Variants in UBE2B observed in about 807,000 individuals in gnomAD.
The protein encoded by UBE2B is ubiquitin conjugating enzyme E2 B.
Under a neutral mutation model 24.6 loss-of-function variants are expected in UBE2B, and 11 were observed. The observed-to-expected ratio is 0.45, with a 90% CI of 0.28 to 0.74. The LOEUF is 0.74. UBE2B is among the 30% of genes least tolerant of loss of function. The pLI, the probability that UBE2B is intolerant of heterozygous loss-of-function variation, is 0.13. For synonymous variants in UBE2B, 68 were observed against 62.4 expected (o/e 1.09, Z -0.42); for missense variants, 78 against 185.6 (o/e 0.42, Z 3.37).
At chr5:134,372,465 ATACT>A (rs2149688968) in intron 1 of UBE2B, among the ~76,000 whole-genome samples, 1 of 152,272 alleles carries the variant, frequency 6.6e-6, no homozygotes, top group South Asian at 2.1e-4. Context: ...CTTTTATTGG[ATACT>A]TAGAGACATA....
intron 3 of UBE2B, among the ~76,000 whole-genome samples, chr5:134,380,059 GC>G (rs1758684160): frequency 6.6e-6 from 1 of 151,850 alleles, no homozygotes; most frequent in African/African-American, 2.4e-5. Flanking sequence ...GAGATTACAG[GC>G]ACCCCCATAC....
intron 4 of UBE2B, among the ~76,000 whole-genome samples, chr5:134,387,389 A>C (rs943401467): frequency 4.6e-5 from 7 of 152,244 alleles, no homozygotes; most frequent in African/African-American, 1.7e-4. Context: ...AAGCTTTAAG[A>C]ATATTTAGAA....
chr5:134,381,729 A>C (rs1328822358), intron 4 of UBE2B, among the ~76,000 whole-genome samples: 1 of 152,138 alleles, frequency 6.6e-6, no homozygotes, highest in African/African-American at 2.4e-5. Flanking sequence ...GGATCACCTG[A>C]GGTCAGGAGT....
intron 1 of UBE2B, among the ~76,000 whole-genome samples, chr5:134,373,435 CT>C (rs1284801131): frequency 2.0e-5 from 3 of 151,426 alleles, no homozygotes; most frequent in Non-Finnish European, 4.4e-5. Context: ...AGGTTTTAAA[CT>C]TTTTTTGGTA....
At chr5:134,372,008 G>A (rs1387411504) in intron 1 of UBE2B, among the ~76,000 whole-genome samples, 1 of 152,200 alleles carries the variant, frequency 6.6e-6, no homozygotes, top group African/African-American at 2.4e-5. Context: ...GAGCTCCTGC[G>A]GGAGCTTGTT....
chr5:134,389,420 C>G (rs1758862454), intron 5 of UBE2B, among the ~76,000 whole-genome samples: 1 of 152,168 alleles, frequency 6.6e-6, no homozygotes, highest in Non-Finnish European at 1.5e-5. Flanking sequence ...ATGTTGGTTA[C>G]TGAGAATTAT....
intron 1 of UBE2B, 54 bp downstream of exon 1, chr5:134,371,693 A>G: frequency 6.2e-7 from 1 of 1,610,362 alleles, no homozygotes; most frequent in East Asian, 2.2e-5. Context: ...GCGGGGCTGC[A>G]GGGCGTGGAT....
chr5:134,384,247 G>A (rs35823093), intron 4 of UBE2B, among the ~76,000 whole-genome samples: 1 of 152,272 alleles, frequency 6.6e-6, no homozygotes, highest in Non-Finnish European at 1.5e-5. Context: ...CTACCCAGAG[G>A]AGAGATGTGT....
In UBE2B at chr5:134,376,337, AAAAAAAAAAAAATAT is replaced by A. The variant is rs1408886808; in HGVS notation, c.126-330_126-316del. On this transcript the variant is annotated intron_variant, in intron 2 of 5. Coordinates refer to ENST00000265339, the MANE Select transcript of UBE2B (RefSeq NM_003337.4). Reference sequence around the variant, plus strand: ...AACTCCGTCTCAAAAAAAAAAAAAAAAAAAAAAAAAAATATATATATATATATACACATATGTACA... The same window carrying A: ...AACTCCGTCTCAAAAAAAAAAAAAAAATATATATATATACACATATGTACA... 1.0e-4 allele frequency among the ~76,000 whole-genome samples: 8 copies of A among 77,004 alleles called. 1 individual carries two copies. The highest frequency in any genetic ancestry group is 2.0e-4 in the Non-Finnish European group (8 of 39,336). 50.5% of individuals were successfully genotyped at this position (77,004 alleles called of 152,430 possible).
chr5:134,374,367 C>T lies in UBE2B; in HGVS notation c.45-16C>T, dbSNP rs1319598846. On this transcript the variant is annotated splice_polypyrimidine_tract_variant and intron_variant, in intron 1 of 5. Transcript: ENST00000265339. The stretch of plus-strand genomic sequence containing the variant: ...CTTAATGTTCAACTTTTTAAATTAC[C>T]ACGCTGGATTTCCAGGTTACAAGAG... 3.9e-6 allele frequency: 6 copies of T among 1,552,012 alleles called. No individual in the cohort carries two copies. Among genetic ancestry groups the T allele is most frequent in the African/African-American group, 2.7e-5 (2 of 73,196 alleles).
Position 134,388,383 on chromosome 5 carries a change from T to G in UBE2B, c.300T>G (p.Tyr100Ter). 1.2e-6 allele frequency: 2 copies of G among 1,614,146 alleles called. No individual in the cohort carries two copies. The highest frequency in any genetic ancestry group is 1.7e-6 in the Non-Finnish European group (2 of 1,179,966). Residue 100 changes from tyrosine (Y) to a stop codon, truncating the protein, a stop_gained, in exon 5 of 6, where the codon TAT becomes TAG. Transcript: ENST00000265339. LOFTEE classifies it high-confidence loss of function. ...TTCAGAATCGATGGAGTCCAACATA[T>G]GATGTATCTTCTATCTTAACATCAA... ...DILQNRWSPT[Y>*]DVSSILTSIQ... is the part of the protein sequence containing the mutation.
chr5:134,388,939 T>C (rs868416307), intron 5 of UBE2B: 6 of 350,104 alleles, frequency 1.7e-5, no homozygotes, highest in African/African-American at 1.2e-4. Flanking sequence ...CTCACACTTC[T>C]TTAATTGTTT....
chr5:134,389,268 CGTT>C (rs1411052785), intron 5 of UBE2B, among the ~76,000 whole-genome samples: 2 of 151,890 alleles, frequency 1.3e-5, no homozygotes, highest in East Asian at 1.9e-4. Context: ...ATCTTACAAG[CGTT>C]GTTTTTCAAC....
chr5:134,371,717 C>T (rs978541604), intron 1 of UBE2B, 78 bp downstream of exon 1: 91 of 1,591,408 alleles, frequency 5.7e-5, no homozygotes, highest in Non-Finnish European at 7.3e-5. Flanking sequence ...AGACACCTTC[C>T]CCTTTGTGAC....
intron 2 of UBE2B, among the ~76,000 whole-genome samples, chr5:134,375,873 G>A (rs1479748063): frequency 2.7e-5 from 4 of 150,682 alleles, no homozygotes; most frequent in Non-Finnish European, 5.9e-5. Context: ...GTGGGGACAA[G>A]GATCTGAGCA....
intron 4 of UBE2B, chr5:134,388,049 C>A (rs1239807509): frequency 1.4e-5 from 6 of 419,234 alleles, no homozygotes; most frequent in Non-Finnish European, 2.7e-5. Context: ...GCAATCCTGC[C>A]TGCCTCGGCC....
In UBE2B at chr5:134,391,520, T is replaced by C. The variant is rs1758896170; in HGVS notation, c.*1167T>C. The C allele has an allele frequency of 6.6e-6, 1 of 152,656 alleles. No homozygotes were observed. The highest frequency in any genetic ancestry group is 1.5e-5 in the Non-Finnish European group (1 of 68,038). 9.5% of individuals were successfully genotyped at this position (152,656 alleles called of 1,614,324 possible). ...AGAAAATGGAAAATATACAAGTAAA[T>C]TCTGTTGAACCACCTGTGTAGTCTC... is the stretch of plus-strand genomic sequence containing the variant. On this transcript the variant is annotated 3_prime_UTR_variant, in exon 6 of 6. Transcript: ENST00000265339.
chr5:134,380,218 T>G (rs935213538), intron 3 of UBE2B, among the ~76,000 whole-genome samples: 1 of 152,216 alleles, frequency 6.6e-6, no homozygotes, highest in South Asian at 2.1e-4. Context: ...GCTACAGTTA[T>G]TTTTAATGAA....
chr5:134,375,026 T>A (rs980251206), intron 2 of UBE2B, among the ~76,000 whole-genome samples: 1 of 152,208 alleles, frequency 6.6e-6, no homozygotes, highest in Non-Finnish European at 1.5e-5. Context: ...TTTTATAATC[T>A]CTTGGGGTTT....
Sources: allele counts gnomAD v4.1 joint callset (sites outside exome capture counted in the v4.1 genomes callset), GRCh38; gene constraint gnomAD v4.1.1; transcripts MANE v1.5; gene names NCBI Gene and HGNC (gene_info 2026-07-23, HGNC 2026-07-21).